Variants in AFF4 observed in about 807,000 individuals in gnomAD.
The protein encoded by AFF4 is ALF transcription elongation factor 4.
A neutral mutation model predicts 124.8 loss-of-function variants in AFF4; 13 were observed. That is an observed-to-expected ratio of 0.10 (90% CI 0.07 to 0.17). The LOEUF is 0.17. Among genes scored for constraint, AFF4 ranks in the 10% least tolerant of loss-of-function variants. The pLI, the probability that AFF4 is intolerant of heterozygous loss-of-function variation, is 1.00. For synonymous variants in AFF4, 477 were observed against 496.1 expected (o/e 0.96, Z 0.51); for missense variants, 1,092 against 1,403.8 (o/e 0.78, Z 3.55).
chr5:132,892,186 G>C lies in AFF4; in HGVS notation c.2615C>G (p.Ser872Cys), dbSNP rs1561482331. The change falls in exon 13 of 21, where the codon TCC (serine) becomes TGC (cysteine). Residue 872 changes from serine (S) to cysteine (C), a missense_variant. Transcript: ENST00000265343. ...TACCTTAACCTCCTTGGAGCTACTG[G>C]AAGTCTTCCCTTCGGTCTTCTTCTG... The part of the protein sequence containing the change: ...SKQKKTEGKT[S>C]SSSKEVKEKA... The C allele has an allele frequency of 5.0e-6, 8 of 1,613,970 alleles. No individual in the cohort carries two copies. Among genetic ancestry groups the C allele is most frequent in the Admixed American group, 1.7e-5 (1 of 59,996 alleles).
chr5:132,883,676 G>C, intron 19 of AFF4, 116 bp from the exon 20 acceptor site: 1 of 905,108 alleles, frequency 1.1e-6, no homozygotes, highest in East Asian at 2.7e-5. Flanking sequence ...TCTTAAACTA[G>C]ATGGGTTTTC....
chr5:132,887,641 G>T, intron 16 of AFF4, 49 bp from the exon 17 acceptor site: 1 of 1,558,920 alleles, frequency 6.4e-7, no homozygotes, highest in South Asian at 1.1e-5. Context: ...ACTTCACCTT[G>T]ATCTTATGAT....
intron 4 of AFF4, among the ~76,000 whole-genome samples, chr5:132,928,050 A>G (rs2150093786): frequency 6.6e-6 from 1 of 152,288 alleles, no homozygotes; most frequent in Non-Finnish European, 1.5e-5. Context: ...AGGAAATGCA[A>G]CAAATTAACA....
chr5:132,910,680 C>T (rs1206120041), intron 5 of AFF4, among the ~76,000 whole-genome samples: 1 of 152,170 alleles, frequency 6.6e-6, no homozygotes, highest in Non-Finnish European at 1.5e-5. Context: ...GCTGAGGTGT[C>T]TCACAAACAC....
intron 18 of AFF4, 130 bp from the exon 19 acceptor site, chr5:132,885,249 CGTGTGTGTGT>C (rs3835017): frequency 4.1e-4 from 147 of 360,552 alleles, no homozygotes; most frequent in African/African-American, 1.9e-3. Context: ...CACCAAAATA[CGTGTGTGTGT>C]GTGTGTGTGT....
chr5:132,935,984 C>T lies in AFF4; in HGVS notation c.124-1043G>A, dbSNP rs545660883. Among the ~76,000 whole-genome samples, 40 of 151,672 alleles carry T rather than the reference C, an allele frequency of 2.6e-4. No homozygotes were observed. In the South Asian group the frequency reaches 5.6e-3, roughly 21 times the overall value. On this transcript the variant is annotated intron_variant, in intron 2 of 20. Coordinates refer to ENST00000265343, the MANE Select transcript of AFF4 (RefSeq NM_014423.4). Reference sequence around the variant, plus strand: ...TAATCTGCCTTTATAAAATTAAGTTCCAGCTGGGCACAGTGGCTCAGGCCT... The same window carrying T: ...TAATCTGCCTTTATAAAATTAAGTTTCAGCTGGGCACAGTGGCTCAGGCCT...
intron 11 of AFF4, 58 bp from the exon 12 acceptor site, chr5:132,893,176 C>CA: frequency 7.4e-7 from 1 of 1,356,700 alleles, no homozygotes; most frequent in Non-Finnish European, 1.1e-6. Flanking sequence ...CAGCTTCCAG[C>CA]ACTAGCTACC....
At chr5:132,949,847 CAAAA>C (rs113489900) in intron 1 of AFF4, among the ~76,000 whole-genome samples, 4 of 100,190 alleles carry the variant, frequency 4.0e-5, no homozygotes, top group Non-Finnish European at 2.1e-5. Flanking sequence ...GACTCTGTCT[CAAAA>C]AAAAAAAAAA....
At chr5:132,883,239 AAAT>A in intron 20 of AFF4, 98 bp downstream of exon 20, 1 of 1,105,120 alleles carries the variant, frequency 9.0e-7, no homozygotes, top group African/African-American at 1.6e-5. Flanking sequence ...CATTAACTCT[AAAT>A]AATAAAACTA....
Position 132,885,126 on chromosome 5 carries a change from A to G in AFF4, c.3100-7T>C. 2.5e-6 allele frequency: 4 copies of G among 1,591,682 alleles called. No homozygotes were observed. Among genetic ancestry groups the G allele is most frequent in the Non-Finnish European group, 3.4e-6 (4 of 1,169,392 alleles). On this transcript the variant is annotated splice_region_variant and splice_polypyrimidine_tract_variant and intron_variant, in intron 18 of 20. Transcript: ENST00000265343. ...GAGAATTATTATAAGAATTCTGTGG[A>G]AAAAGTAAAATGTACTTAACAACAA...
At chr5:132,893,504 AATTTT>A (rs1033187474) in intron 11 of AFF4, among the ~76,000 whole-genome samples, 1 of 151,998 alleles carries the variant, frequency 6.6e-6, no homozygotes, top group African/African-American at 2.4e-5. Context: ...ATGAAATTTT[AATTTT>A]ATTTATTTAG....
chr5:132,912,151 G>C (rs374728258), intron 5 of AFF4, among the ~76,000 whole-genome samples: 2 of 143,650 alleles, frequency 1.4e-5, no homozygotes, highest in African/African-American at 5.2e-5. Flanking sequence ...TCAGGAGTTC[G>C]AGATTGTCTC....
rs190075394 is a variant in AFF4 at position 132,947,199 on chromosome 5, T to C, written c.-4-10006A>G. Among the ~76,000 whole-genome samples, 54 of 152,074 alleles carry C rather than the reference T, an allele frequency of 3.6e-4. No individual in the cohort carries two copies. The East Asian group carries it at 9.5e-3, about 27-fold the overall frequency. On this transcript the variant is annotated intron_variant, in intron 1 of 20. Transcript: ENST00000265343. The stretch of plus-strand genomic sequence containing the variant: ...CAGTGGATCACGTGAGGTCAGGAGT[T>C]CAAGACCAGCCTGGCCAACATGGCC...
At chr5:132,927,790 A>C (rs919047279) in intron 4 of AFF4, among the ~76,000 whole-genome samples, 2 of 152,186 alleles carry the variant, frequency 1.3e-5, no homozygotes, top group African/African-American at 4.8e-5. Context: ...TACTCGTAGA[A>C]AAATTTTGTC....
intron 5 of AFF4, among the ~76,000 whole-genome samples, chr5:132,905,570 T>C (rs1290566129): frequency 6.6e-6 from 1 of 152,228 alleles, no homozygotes; most frequent in Non-Finnish European, 1.5e-5. Context: ...TGGGAAAGAA[T>C]AGTCTTTTTA....
intron 2 of AFF4, 36 bp from the exon 3 acceptor site, chr5:132,934,977 G>T: frequency 7.1e-7 from 1 of 1,416,818 alleles, no homozygotes; most frequent in Non-Finnish European, 9.4e-7. Flanking sequence ...ATTATAAAAT[G>T]AGCATAATCA....
chr5:132,954,473 G>A (rs1761909052), intron 1 of AFF4, among the ~76,000 whole-genome samples: 2 of 152,132 alleles, frequency 1.3e-5, no homozygotes. Flanking sequence ...CCCCATACCG[G>A]CTCATGGCAG....
At chr5:132,888,992 G>T in intron 14 of AFF4, 87 bp downstream of exon 14, 1 of 1,303,976 alleles carries the variant, frequency 7.7e-7, no homozygotes, top group Non-Finnish European at 1.1e-6. Flanking sequence ...CACCGCGCCC[G>T]GCCAATGATA....
chr5:132,895,728 G>C (rs528515892), intron 11 of AFF4, among the ~76,000 whole-genome samples: 2 of 152,152 alleles, frequency 1.3e-5, no homozygotes, highest in Admixed American at 6.5e-5. Context: ...ACAGACATGC[G>C]TGAGTTTTCA....
Sources: allele counts gnomAD v4.1 joint callset (sites outside exome capture counted in the v4.1 genomes callset), GRCh38; gene constraint gnomAD v4.1.1; transcripts MANE v1.5; gene names NCBI Gene and HGNC (gene_info 2026-07-23, HGNC 2026-07-21).